The following TRAPPC9 variants were observed in gnomAD, a reference collection of about 807,000 sequenced individuals.
TRAPPC9 encodes IKK2 binding protein.
TRAPPC9 carries 83 observed loss-of-function variants against 124.0 expected under a neutral mutation model. That is an observed-to-expected ratio of 0.67 (90% CI 0.56 to 0.80). The LOEUF (loss-of-function observed/expected upper bound fraction) is 0.80. Among genes scored for constraint, TRAPPC9 ranks in the 30% least tolerant of loss-of-function variants. The pLI is 0.00. For missense variants in TRAPPC9, 1,302 were observed against 1,508.3 expected, an observed-to-expected ratio of 0.86 and a Z score of 2.27; for synonymous variants, 638 against 617.5, an observed-to-expected ratio of 1.03 and a Z score of -0.49.
At chr8:140,039,336 T>C (rs1285575873) in intron 17 of TRAPPC9, among the ~76,000 whole-genome samples, 12 of 152,202 alleles carry the variant, frequency 7.9e-5, no homozygotes, top group Admixed American at 6.5e-5. Context: ...AGAGGACACT[T>C]TCTTGTTAAT....
At chr8:139,772,417 C>T (rs1821031880) in intron 21 of TRAPPC9, among the ~76,000 whole-genome samples, 1 of 152,332 alleles carries the variant, frequency 6.6e-6, no homozygotes, top group East Asian at 1.9e-4. Flanking sequence ...AGGGACTCAT[C>T]TGACAGTCCC....
intron 17 of TRAPPC9, among the ~76,000 whole-genome samples, chr8:140,057,842 A>C (rs1842376240): frequency 2.0e-5 from 3 of 152,228 alleles, no homozygotes; most frequent in Admixed American, 6.5e-5. Context: ...TGTTCTTCCC[A>C]CAATGGAAAA....
intron 9 of TRAPPC9, among the ~76,000 whole-genome samples, chr8:140,354,212 C>T (rs1401649008): frequency 6.6e-6 from 1 of 152,172 alleles, no homozygotes; most frequent in Non-Finnish European, 1.5e-5. Flanking sequence ...TTAAGAGACT[C>T]CCATGCAGTT....
chr8:140,433,219 G>C lies in TRAPPC9; in HGVS notation c.859+1893C>G, dbSNP rs559514823. ...AGACACAAGAATCACTTGAGCCCGGGAGGCAGAGGTTATAGTGAGCCGAGA... is the reference window on the plus strand; with the variant it reads ...AGACACAAGAATCACTTGAGCCCGGCAGGCAGAGGTTATAGTGAGCCGAGA... On this transcript the variant is annotated intron_variant, in intron 4 of 22. Coordinates refer to ENST00000438773, the MANE Select transcript of TRAPPC9 (RefSeq NM_001160372.4). Among the ~76,000 whole-genome samples, 9 of 151,888 alleles carry C rather than the reference G, an allele frequency of 5.9e-5. No homozygotes were observed. In the South Asian group the frequency reaches 1.9e-3, roughly 32 times the overall value.
chr8:139,822,733 A>C (rs1020565462), intron 21 of TRAPPC9, among the ~76,000 whole-genome samples: 11 of 152,286 alleles, frequency 7.2e-5, no homozygotes, highest in Admixed American at 5.9e-4. Context: ...CCGCTGACAC[A>C]TGGAGTCTTC....
chr8:139,895,250 C>T (rs1830593979), intron 20 of TRAPPC9, among the ~76,000 whole-genome samples: 1 of 152,176 alleles, frequency 6.6e-6, no homozygotes, highest in Admixed American at 6.5e-5. Flanking sequence ...CAGGCATGCT[C>T]CCGCTTTGCG....
chr8:140,272,873 A>G (rs4376480), intron 15 of TRAPPC9, among the ~76,000 whole-genome samples: 2 of 145,108 alleles, frequency 1.4e-5, no homozygotes, highest in African/African-American at 5.1e-5. Context: ...CCCCCACCAG[A>G]CCCCCCTCCA....
In TRAPPC9 at chr8:140,399,192, G is replaced by A. The variant is rs139840303; in HGVS notation, c.1009-1447C>T. Among the ~76,000 whole-genome samples the A allele has an allele frequency of 2.4e-3, 371 of 152,342 alleles. 1 individual carries two copies. The highest frequency in any genetic ancestry group is 8.6e-3 in the African/African-American group (359 of 41,570). On this transcript the variant is annotated intron_variant, in intron 6 of 22. Transcript: ENST00000438773. ...AGGCAGAAGTTTGCTTCAGGAGTGG[G>A]GCTCTCATGGAGAACCTCTGCTAGG... is the stretch of plus-strand genomic sequence containing the variant.
chr8:140,274,572 C>T (rs74797367), intron 15 of TRAPPC9, among the ~76,000 whole-genome samples: 1,867 of 152,292 alleles, frequency 0.012, 28 homozygotes, highest in African/African-American at 0.042. Context: ...TACAAGATAC[C>T]CTGAAATTCT....
chr8:139,780,062 G>C (rs969849516), intron 21 of TRAPPC9, among the ~76,000 whole-genome samples: 5 of 152,150 alleles, frequency 3.3e-5, no homozygotes, highest in African/African-American at 1.2e-4. Context: ...TGGGTAGAAA[G>C]ACTCAATATT....
chr8:140,197,278 G>A (rs1337945932), intron 17 of TRAPPC9, among the ~76,000 whole-genome samples: 1 of 152,168 alleles, frequency 6.6e-6, no homozygotes, highest in Non-Finnish European at 1.5e-5. Flanking sequence ...TTGGAATTGA[G>A]AACCCTAACA....
chr8:139,890,573 A>C (rs1292496067), intron 20 of TRAPPC9, among the ~76,000 whole-genome samples: 1 of 152,180 alleles, frequency 6.6e-6, no homozygotes, highest in Non-Finnish European at 1.5e-5. Context: ...ACGAGGGGTC[A>C]AAGGCCATTG....
At chr8:139,920,632 C>T (rs1003390006) in intron 19 of TRAPPC9, among the ~76,000 whole-genome samples, 2 of 152,188 alleles carry the variant, frequency 1.3e-5, no homozygotes, top group Admixed American at 6.5e-5. Flanking sequence ...GGAAAATCAA[C>T]TGTTTTGAAG....
chr8:140,069,095 A>G (rs1172875301), intron 17 of TRAPPC9, among the ~76,000 whole-genome samples: 2 of 152,214 alleles, frequency 1.3e-5, no homozygotes, highest in African/African-American at 4.8e-5. Context: ...ACGCTTATCA[A>G]AGGGAGCTGT....
intron 21 of TRAPPC9, among the ~76,000 whole-genome samples, chr8:139,796,324 C>T (rs1037756478): frequency 1.3e-5 from 2 of 152,194 alleles, no homozygotes; most frequent in African/African-American, 4.8e-5. Context: ...ACTGGGCTCA[C>T]CAGCAAAGGG....
intron 21 of TRAPPC9, among the ~76,000 whole-genome samples, chr8:139,861,386 A>C (rs1256858509): frequency 6.6e-6 from 1 of 152,096 alleles, no homozygotes; most frequent in Non-Finnish European, 1.5e-5. Context: ...GTCTGGTGGG[A>C]AGGACACTTA....
chr8:140,211,212 G>C (rs764284595), intron 17 of TRAPPC9, among the ~76,000 whole-genome samples: 2 of 152,008 alleles, frequency 1.3e-5, no homozygotes, highest in Non-Finnish European at 2.9e-5. Context: ...GGTCATCAAA[G>C]CCAGACCACA....
At chr8:140,369,876 C>G (rs2068227686) in intron 8 of TRAPPC9, among the ~76,000 whole-genome samples, 1 of 152,082 alleles carries the variant, frequency 6.6e-6, no homozygotes, top group Non-Finnish European at 1.5e-5. Flanking sequence ...CACTTGAACC[C>G]AGGAGTTGGA....
chr8:140,238,872 C>T (rs906195504), intron 16 of TRAPPC9, among the ~76,000 whole-genome samples: 9 of 152,126 alleles, frequency 5.9e-5, no homozygotes, highest in African/African-American at 2.2e-4. Flanking sequence ...GCAGGGGAAG[C>T]GCGACCCCCG....
Sources: allele counts gnomAD v4.1 joint callset (sites outside exome capture counted in the v4.1 genomes callset), GRCh38; gene constraint gnomAD v4.1.1; transcripts MANE v1.5; gene names NCBI Gene and HGNC (gene_info 2026-07-23, HGNC 2026-07-21).